MCF2: variants seen among roughly 807,000 people sequenced by gnomAD.
MCF2 encodes MCF.2 cell line derived transforming sequence.
A neutral mutation model predicts 82.5 loss-of-function variants in MCF2; 44 were observed. The observed-to-expected ratio is 0.53, with a 90% CI of 0.42 to 0.69. MCF2 has a LOEUF of 0.69. MCF2 is among the 30% of genes least tolerant of loss of function. The probability of loss-of-function intolerance (pLI) is 0.00; values close to 1 mark genes in which losing one functional copy is unlikely to be tolerated. For synonymous variants in MCF2, 217 were observed against 224.9 expected (o/e 0.96, Z 0.32); for missense variants, 623 against 663.1 (o/e 0.94, Z 0.66).
At chrX:139,586,553 G>C (rs752989049) in intron 22 of MCF2, 66 bp from the exon 27 acceptor site, 29 of 754,263 alleles carry the variant, frequency 3.8e-5, no homozygotes, top group South Asian at 2.9e-4. Flanking sequence ...GAAATTTAAA[G>C]TGGTATTTCT....
intron 12 of MCF2, among the ~76,000 whole-genome samples, 192 bp from the exon 17 acceptor site, chrX:139,605,971 A>C (rs1930971025): frequency 9.4e-6 from 1 of 105,893 alleles, no homozygotes; most frequent in Non-Finnish European, 1.9e-5. Flanking sequence ...ATATAGTCTT[A>C]TGGGTGGTTT....
At chrX:139,589,983 A>G (rs887875481) in intron 19 of MCF2, 56 bp from the exon 24 acceptor site, 5 of 717,016 alleles carry the variant, frequency 7.0e-6, no homozygotes, top group Non-Finnish European at 1.1e-5. Context: ...ATGAAATTAC[A>G]TTAAATCTAC....
At chrX:139,699,901 A>T (rs1015562566) in intron 1 of MCF2, among the ~76,000 whole-genome samples, 3 of 112,416 alleles carry the variant, frequency 2.7e-5, no homozygotes, top group African/African-American at 9.7e-5. Flanking sequence ...TAAAATTTCA[A>T]GCTAGAGATA....
At chrX:139,670,966 C>T (rs904380090) in intron 1 of MCF2, among the ~76,000 whole-genome samples, 1 of 111,655 alleles carries the variant, frequency 9.0e-6, no homozygotes, top group African/African-American at 3.3e-5. Context: ...ACATCCTCTC[C>T]AGCATCTGTT....
intron 1 of MCF2, among the ~76,000 whole-genome samples, chrX:139,706,866 T>G (rs1320161328): frequency 1.8e-5 from 2 of 110,275 alleles, no homozygotes; most frequent in East Asian, 5.6e-4. Context: ...AAATAAAGGT[T>G]GTCTAAGATA....
intron 24 of MCF2, 92 bp from the exon 29 acceptor site, chrX:139,582,595 G>A (rs1055116098): frequency 1.7e-6 from 1 of 594,219 alleles, no homozygotes; most frequent in African/African-American, 2.3e-5. Flanking sequence ...TGTTTTGGCA[G>A]GGAAGAAGGG....
At chrX:139,669,180 T>C (rs936522317) in intron 1 of MCF2, among the ~76,000 whole-genome samples, 5 of 111,717 alleles carry the variant, frequency 4.5e-5, no homozygotes, top group Admixed American at 2.9e-4. Flanking sequence ...CACTTATAAA[T>C]CAATAACAAA....
chrX:139,652,227 T>C (rs1174163182), intron 1 of MCF2, among the ~76,000 whole-genome samples: 1 of 111,842 alleles, frequency 8.9e-6, no homozygotes, highest in Non-Finnish European at 1.9e-5. Context: ...CCTTAAAAAA[T>C]CTCTAAGGTA....
In MCF2 at chrX:139,617,524, G is replaced by A. The variant is rs1406420520; in HGVS notation, c.988C>T (p.Leu330Phe). ...TCCCATTACACTACCTGCTGTAGGAGTTTATGCATTTTGAAGGTCCTGCTG... is the reference window on the plus strand; with the variant it reads ...TCCCATTACACTACCTGCTGTAGGAATTTATGCATTTTGAAGGTCCTGCTG... The change falls in exon 8 of 25, where the codon CTC becomes TTC. Residue 330 changes from leucine to phenylalanine, a missense_variant. By Grantham distance (22) the Leu-to-Phe change is conservative. Transcript: ENST00000370576. 2 of 1,181,513 alleles carry A rather than the reference G, an allele frequency of 1.7e-6. No individual in the cohort carries two copies. Among genetic ancestry groups the A allele is most frequent in the South Asian group, 4.0e-5 (2 of 50,590 alleles).
intron 10 of MCF2, among the ~76,000 whole-genome samples, chrX:139,612,077 C>A (rs1172742249): frequency 2.8e-5 from 3 of 108,718 alleles, no homozygotes; most frequent in Non-Finnish European, 5.7e-5. Context: ...GTAAGGATAG[C>A]AGTGGGGATG....
intron 20 of MCF2, 40 bp downstream of exon 24, chrX:139,589,795 T>G: frequency 1.0e-6 from 1 of 964,771 alleles, no homozygotes; most frequent in African/African-American, 1.9e-5. Flanking sequence ...TGTATTTCAA[T>G]GCAGGTTTGG....
At chrX:139,623,663 AATGTAACAGTATACCC>A (rs1378212432) in intron 6 of MCF2, among the ~76,000 whole-genome samples, 7 of 70,201 alleles carry the variant, frequency 1.0e-4, no homozygotes, top group Admixed American at 5.6e-4. Flanking sequence ...TCACACCTCA[AATGTAACAGTATACCC>A]ATGTAACAGT....
At chrX:139,691,864 G>A (rs1603309283) in intron 1 of MCF2, 1 of 1,068,497 alleles carries the variant, frequency 9.4e-7, no homozygotes, top group Non-Finnish European at 1.3e-6. Context: ...CTGAGAAGAA[G>A]GGCAAGCCAG....
intron 6 of MCF2, among the ~76,000 whole-genome samples, chrX:139,625,450 G>A (rs753117708): frequency 9.9e-5 from 11 of 111,214 alleles, no homozygotes; most frequent in Non-Finnish European, 1.9e-4. Flanking sequence ...ACTGAGCCCC[G>A]CGTCCAGAGT....
chrX:139,602,611 G>C, intron 15 of MCF2, 113 bp from the exon 20 acceptor site: 1 of 504,059 alleles, frequency 2.0e-6, no homozygotes, highest in East Asian at 3.6e-5. Context: ...GGCCTAAAGG[G>C]CCTACTGTAC....
intron 1 of MCF2, among the ~76,000 whole-genome samples, chrX:139,698,932 G>A (rs1323311925): frequency 9.0e-6 from 1 of 111,013 alleles, no homozygotes. Flanking sequence ...TTTTTCTTCT[G>A]TCATCTCATT....
At chrX:139,588,496 G>T in intron 20 of MCF2, 58 bp from the exon 25 acceptor site, 1 of 708,594 alleles carries the variant, frequency 1.4e-6, no homozygotes, top group Non-Finnish European at 2.2e-6. Flanking sequence ...TAAAAAGGAT[G>T]TACTATAATA....
chrX:139,596,119 A>C (rs1370423966), intron 19 of MCF2, among the ~76,000 whole-genome samples: 1 of 111,206 alleles, frequency 9.0e-6, no homozygotes, highest in African/African-American at 3.3e-5. Flanking sequence ...AAAGTTACCC[A>C]TTTTTAAATT....
At position 139,629,692 on chromosome X, in the gene MCF2, T is replaced by C. The variant is rs1932858137; in HGVS notation, c.438+3A>G. On this transcript the variant is annotated splice_donor_region_variant and intron_variant, in intron 4 of 24. Coordinates refer to ENST00000370576, the Ensembl canonical transcript of MCF2. ...TTTTGTTTGTCAACTCTATCAGACATACCTTCAACAGATGATACCTTTCAG... is the reference window on the plus strand; with the variant it reads ...TTTTGTTTGTCAACTCTATCAGACACACCTTCAACAGATGATACCTTTCAG... 1 of 1,204,716 alleles carries C rather than the reference T, an allele frequency of 8.3e-7. No homozygotes were observed. Among genetic ancestry groups the C allele is most frequent in the Admixed American group, 2.2e-5 (1 of 45,412 alleles).
Sources: gnomAD v4.1 joint callset for allele counts (sites outside exome capture counted in the v4.1 genomes callset) on GRCh38, gnomAD v4.1.1 for gene constraint, MANE v1.5 for transcripts, NCBI Gene and HGNC (gene_info 2026-07-23, HGNC 2026-07-21) for gene names.